LRRTM3: variants seen among roughly 807,000 people sequenced by gnomAD.
The protein encoded by LRRTM3 is leucine rich repeat transmembrane neuronal 3.
In LRRTM3, 24 loss-of-function variants were observed where a neutral mutation model predicts 44.7. That is an observed-to-expected ratio of 0.54 (90% CI 0.39 to 0.76). LRRTM3 has a LOEUF of 0.76. LRRTM3 is among the 30% of genes least tolerant of loss of function. LRRTM3 has a pLI of 0.00. For synonymous variants in LRRTM3, 277 were observed against 278.7 expected (o/e 0.99, Z 0.06); for missense variants, 587 against 702.2 (o/e 0.84, Z 1.85).
Position 66,926,506 on chromosome 10 carries a change from A to G in LRRTM3, c.-78A>G. ...AGCGAGCCCTGACTCACTACAGTGC[A>G]GCTGACAGGGGCTGTCATGCAACTG... On this transcript the variant is annotated 5_prime_UTR_variant, in exon 1 of 3. Coordinates refer to ENST00000361320, the MANE Select transcript of LRRTM3 (RefSeq NM_178011.5). 4.5e-6 allele frequency: 7 copies of G among 1,544,286 alleles called. No homozygotes were observed. The South Asian group carries it at 7.9e-5, about 17-fold the overall frequency.
intron 2 of LRRTM3, among the ~76,000 whole-genome samples, chr10:67,056,363 T>C (rs1855430179): frequency 6.6e-6 from 1 of 152,198 alleles, no homozygotes; most frequent in African/African-American, 2.4e-5. Context: ...TCATTGTTAG[T>C]CTTCCCAATG....
At position 66,927,962 on chromosome 10, in the gene LRRTM3, T is replaced by TA. The variant is rs1212955575; in HGVS notation, c.1049dup (p.Asn350LysfsTer21). On this transcript the variant is annotated frameshift_variant, in exon 2 of 3. Transcript: ENST00000361320. LOFTEE classifies it high-confidence loss of function. The surrounding 1 kb of genome is among the most constrained non-coding windows in gnomAD (Gnocchi z 4.7). ...GCCAGTCCCAAAGAGCTGCAAGGAG[T>TA]AAATGTGATCGATGCAGTGAAGAAC... 1.2e-6 allele frequency: 2 copies of TA among 1,613,526 alleles called. No individual in the cohort carries two copies. Among genetic ancestry groups the TA allele is most frequent in the African/African-American group, 2.7e-5 (2 of 74,714 alleles).
chr10:66,990,944 T>C (rs75780668), intron 2 of LRRTM3, among the ~76,000 whole-genome samples: 2,061 of 152,312 alleles, frequency 0.014, 47 homozygotes, highest in African/African-American at 0.046. Flanking sequence ...TCATTATTCC[T>C]ATGAACATTT....
intron 2 of LRRTM3, among the ~76,000 whole-genome samples, chr10:66,989,639 T>C (rs1301243467): frequency 2.0e-5 from 3 of 152,140 alleles, no homozygotes; most frequent in African/African-American, 7.2e-5. Flanking sequence ...TTTTTCTATA[T>C]ATGAGTGAAT....
intron 2 of LRRTM3, among the ~76,000 whole-genome samples, chr10:67,085,709 A>G (rs1162877249): frequency 1.3e-5 from 2 of 152,144 alleles, no homozygotes; most frequent in Admixed American, 1.3e-4. Context: ...AAATGTAAAT[A>G]CATAGACTTG....
intron 2 of LRRTM3, among the ~76,000 whole-genome samples, chr10:67,041,181 C>T (rs189471609): frequency 2.0e-5 from 3 of 152,096 alleles, no homozygotes; most frequent in South Asian, 2.1e-4. Context: ...TCTGCCAGAG[C>T]AAATAGTACT....
chr10:66,941,016 T>C (rs1847967992), intron 2 of LRRTM3, among the ~76,000 whole-genome samples: 1 of 152,086 alleles, frequency 6.6e-6, no homozygotes, highest in African/African-American at 2.4e-5. Flanking sequence ...CACCTGTAAT[T>C]TAATAAAAAA....
At chr10:67,063,180 C>G (rs1855860954) in intron 2 of LRRTM3, among the ~76,000 whole-genome samples, 1 of 152,080 alleles carries the variant, frequency 6.6e-6, no homozygotes, top group Non-Finnish European at 1.5e-5. Context: ...AAAACAGTTA[C>G]CAAGTATGGA....
chr10:67,005,592 G>A (rs1239507647), intron 2 of LRRTM3, among the ~76,000 whole-genome samples: 1 of 150,294 alleles, frequency 6.7e-6, no homozygotes, highest in Non-Finnish European at 1.5e-5. Flanking sequence ...CTGATGAATC[G>A]GAAAAAAAGG....
intron 2 of LRRTM3, among the ~76,000 whole-genome samples, chr10:67,019,635 A>G (rs1362182142): frequency 6.6e-6 from 1 of 152,252 alleles, no homozygotes; most frequent in Non-Finnish European, 1.5e-5. Context: ...CAGGTTACAC[A>G]GTGTGAGTCA....
At chr10:67,059,284 T>C (rs1855618985) in intron 2 of LRRTM3, among the ~76,000 whole-genome samples, 1 of 152,200 alleles carries the variant, frequency 6.6e-6, no homozygotes, top group Non-Finnish European at 1.5e-5. Context: ...GCTAAATGAA[T>C]TGACATCATG....
chr10:66,998,397 T>C (rs1851478606), intron 2 of LRRTM3, among the ~76,000 whole-genome samples: 1 of 152,096 alleles, frequency 6.6e-6, no homozygotes, highest in African/African-American at 2.4e-5. Context: ...CAAAATAAAA[T>C]GTAGACATAA....
At chr10:66,932,795 G>A (rs1847481288) in intron 2 of LRRTM3, among the ~76,000 whole-genome samples, 2 of 152,118 alleles carry the variant, frequency 1.3e-5, no homozygotes, top group African/African-American at 4.8e-5. Context: ...CCAAAAGTTG[G>A]TGATGATTTT....
At chr10:67,049,024 T>C (rs897648115) in intron 2 of LRRTM3, among the ~76,000 whole-genome samples, 9 of 62,140 alleles carry the variant, frequency 1.4e-4, no homozygotes, top group African/African-American at 6.2e-4. Context: ...TTTATGATGA[T>C]AACTGGTTTT....
intron 2 of LRRTM3, among the ~76,000 whole-genome samples, chr10:67,047,932 G>A (rs951967091): frequency 3.9e-5 from 6 of 151,964 alleles, no homozygotes; most frequent in Non-Finnish European, 5.9e-5. Context: ...AGATAATCTT[G>A]GATTAGCAGA....
intron 2 of LRRTM3, among the ~76,000 whole-genome samples, chr10:66,948,528 C>A (rs776360650): frequency 3.3e-5 from 5 of 152,160 alleles, no homozygotes; most frequent in Non-Finnish European, 5.9e-5. Context: ...AATTAAAGAT[C>A]TACTTGGGAA....
chr10:67,056,631 A>G (rs1005800506), intron 2 of LRRTM3, among the ~76,000 whole-genome samples: 2 of 152,170 alleles, frequency 1.3e-5, no homozygotes, highest in African/African-American at 2.4e-5. Context: ...AGGGCATTCC[A>G]AATTAAGTGG....
chr10:66,980,363 T>C (rs897225450), intron 2 of LRRTM3, among the ~76,000 whole-genome samples: 3 of 152,186 alleles, frequency 2.0e-5, no homozygotes, highest in Admixed American at 2.0e-4. Context: ...GCTTGCTCTG[T>C]TAGCAGCAAA....
At chr10:66,991,574 G>A (rs906962428) in intron 2 of LRRTM3, among the ~76,000 whole-genome samples, 1 of 152,064 alleles carries the variant, frequency 6.6e-6, no homozygotes, top group Non-Finnish European at 1.5e-5. Flanking sequence ...TTTTTGAGAT[G>A]GAGTTTCGCT....
Sources: allele counts gnomAD v4.1 joint callset (sites outside exome capture counted in the v4.1 genomes callset), GRCh38; gene constraint gnomAD v4.1.1; non-coding constraint Gnocchi (gnomAD v3.1); transcripts MANE v1.5; gene names NCBI Gene and HGNC (gene_info 2026-07-23, HGNC 2026-07-21).